Variants in FAM98B observed in about 807,000 individuals in gnomAD.
The protein encoded by FAM98B is tRNA splicing ligase complex subunit 3B, also known as tRNA-splicing ligase complex subunit FAM98B.
A neutral mutation model predicts 43.9 loss-of-function variants in FAM98B; 32 were observed. The observed-to-expected ratio is 0.73, with a 90% confidence interval of 0.55 to 0.98. The LOEUF (loss-of-function observed/expected upper bound fraction) is 0.98. Among genes scored for constraint, FAM98B ranks in the 50% least tolerant of loss-of-function variants. FAM98B has a pLI of 0.00. For synonymous variants in FAM98B, 190 were observed against 174.0 expected, an observed-to-expected ratio of 1.09 and a Z score of -0.72; for missense variants, 514 against 522.9, an observed-to-expected ratio of 0.98 and a Z score of 0.17.
At chr15:38,459,212 C>A in intron 1 of FAM98B, 1 of 443,510 alleles carries the variant, frequency 2.3e-6, no homozygotes, top group South Asian at 1.8e-5. Flanking sequence ...TAAAGATGCA[C>A]AAGGGCTTCA....
chr15:38,469,672 C>G (rs1210013239), intron 3 of FAM98B, among the ~76,000 whole-genome samples: 2 of 152,128 alleles, frequency 1.3e-5, no homozygotes, highest in Non-Finnish European at 2.9e-5. Flanking sequence ...TAAAATTGAA[C>G]TGAAACCAGC....
chr15:38,477,857 G>C (rs62002949), intron 6 of FAM98B, among the ~76,000 whole-genome samples: 1 of 152,180 alleles, frequency 6.6e-6, no homozygotes, highest in African/African-American at 2.4e-5. Context: ...GTTAAGAGCT[G>C]TAAGTTACCA....
intron 1 of FAM98B, among the ~76,000 whole-genome samples, chr15:38,460,853 A>G (rs1162697317): frequency 1.3e-5 from 2 of 152,224 alleles, no homozygotes; most frequent in African/African-American, 4.8e-5. Flanking sequence ...AAATGAAGCT[A>G]ATAATAGTAT....
rs772084196 is a variant in FAM98B, at chr15:38,454,219, C to A, written c.58C>A (p.Leu20Met). Reference protein sequence around the residue: ...PTMEGDVLDTLEALGYKGPLL... With the variant: ...PTMEGDVLDTMEALGYKGPLL... ...GATGGAGGGAGACGTGCTGGACACA[C>A]TGGAGGCGCTGGGGTGAGTGCTTTT... The change falls in exon 1 of 8, where the codon CTG becomes ATG. Residue 20 changes from leucine to methionine, a missense_variant. Coordinates refer to ENST00000397609, the MANE Select transcript of FAM98B (RefSeq NM_173611.4). The A allele has an allele frequency of 6.2e-7, 1 of 1,602,938 alleles. No homozygotes were observed. The highest frequency in any genetic ancestry group is 8.5e-7 in the Non-Finnish European group (1 of 1,176,050).
intron 1 of FAM98B, chr15:38,459,402 G>A (rs944685904): frequency 1.5e-5 from 6 of 387,200 alleles, no homozygotes; most frequent in Non-Finnish European, 3.1e-5. Context: ...GGCCATGCTG[G>A]ATGCGAAAAT....
chr15:38,469,358 T>C (rs1397905275), intron 3 of FAM98B, among the ~76,000 whole-genome samples: 1 of 152,252 alleles, frequency 6.6e-6, no homozygotes, highest in African/African-American at 2.4e-5. Flanking sequence ...TGGGGTGATT[T>C]ATCCTGACTC....
chr15:38,465,258 C>G lies in FAM98B; in HGVS notation c.218-11C>G. On this transcript the variant is annotated splice_polypyrimidine_tract_variant and intron_variant, in intron 2 of 7. Transcript: ENST00000397609. ...GCTCAGTAAATGTTTTATGATTTTT[C>G]TTTTTTAAAGGAAGAGATGATCTAG... 1 of 1,594,622 alleles carries G rather than the reference C, an allele frequency of 6.3e-7. No individual in the cohort carries two copies. Among genetic ancestry groups the G allele is most frequent in the Non-Finnish European group, 8.5e-7 (1 of 1,175,050 alleles).
chr15:38,455,154 G>A (rs1472616102), intron 1 of FAM98B, among the ~76,000 whole-genome samples: 1 of 152,172 alleles, frequency 6.6e-6, no homozygotes, highest in Non-Finnish European at 1.5e-5. Context: ...TGTTTTCCCA[G>A]CAACACACTA....
In FAM98B at chr15:38,471,507, T is replaced by C. The variant is rs142530161; in HGVS notation, c.531+1102T>C. Among the ~76,000 whole-genome samples, 620 of 152,246 alleles carry C rather than the reference T, an allele frequency of 4.1e-3. 15 individuals are homozygous for C. The highest frequency in any genetic ancestry group is 0.036 in the East Asian group (187 of 5,182). On this transcript the variant is annotated intron_variant, in intron 4 of 7. Transcript: ENST00000397609. The stretch of plus-strand genomic sequence containing the variant: ...AATTCAAAGAGGCTATTCCATTTTA[T>C]GGTTTTTATTTAGTATTAACATTCT...
chr15:38,477,691 C>T (rs961913939), intron 6 of FAM98B, among the ~76,000 whole-genome samples: 7 of 152,066 alleles, frequency 4.6e-5, no homozygotes, highest in Non-Finnish European at 7.4e-5. Context: ...CTCAGTACTC[C>T]GTATGATTAG....
At chr15:38,475,855 ATGAT>A (rs1284716893) in intron 6 of FAM98B, among the ~76,000 whole-genome samples, 1 of 149,000 alleles carries the variant, frequency 6.7e-6, no homozygotes, top group Admixed American at 6.7e-5. Context: ...TTTCTGCAAT[ATGAT>A]AAAATGCTTT....
chr15:38,455,466 A>G (rs1043533850), intron 1 of FAM98B, among the ~76,000 whole-genome samples: 5 of 152,226 alleles, frequency 3.3e-5, no homozygotes, highest in Admixed American at 2.6e-4. Flanking sequence ...TTGAACCCTG[A>G]TAATACCTAC....
At chr15:38,481,017 AT>A (rs1307552361) in intron 6 of FAM98B, among the ~76,000 whole-genome samples, 2 of 152,012 alleles carry the variant, frequency 1.3e-5, no homozygotes. Flanking sequence ...TGGTAAAACT[AT>A]TTTTTAGGTA....
intron 1 of FAM98B, chr15:38,459,332 G>A (rs745525629): frequency 1.2e-4 from 56 of 486,498 alleles, no homozygotes; most frequent in Non-Finnish European, 1.7e-4. Context: ...GAGCAGATCC[G>A]ACTTAGCAGT....
Position 38,474,615 on chromosome 15 carries a change from A to G in FAM98B, c.729+317A>G, listed in dbSNP as rs751973444. On this transcript the variant is annotated intron_variant, in intron 6 of 7. Transcript: ENST00000397609. ...GTGAGCAGTGTAAGAAGAAAGCAGG[A>G]TATAAGAATAGTTGCAGGTAGTACT... 3.9e-5 allele frequency among the ~76,000 whole-genome samples: 6 copies of G among 152,248 alleles called. No homozygotes were observed. The South Asian group carries it at 1.2e-3, about 31-fold the overall frequency.
intron 6 of FAM98B, among the ~76,000 whole-genome samples, chr15:38,478,369 G>A (rs1339997447): frequency 6.6e-6 from 1 of 152,052 alleles, no homozygotes; most frequent in Non-Finnish European, 1.5e-5. Context: ...GCATGGATCA[G>A]TTTTGGCCTT....
intron 1 of FAM98B, among the ~76,000 whole-genome samples, chr15:38,455,745 G>GGCA (rs1889838831): frequency 6.6e-6 from 1 of 152,138 alleles, no homozygotes; most frequent in African/African-American, 2.4e-5. Flanking sequence ...AAAAGGAAAA[G>GGCA]GCAGTGCTTT....
At position 38,454,179 on chromosome 15, in the gene FAM98B, G is replaced by A. The variant is rs760566986; in HGVS notation, c.18G>A (p.Pro6=). MRGPE[P]GPQPTMEGDV... ...AAAGGACCATGAGAGGGCCGGAGCC[G>A]GGTCCCCAACCGACGATGGAGGGAG... The change falls in exon 1 of 8, where the codon CCG becomes CCA. Residue 6 remains proline, a synonymous_variant. Coordinates refer to ENST00000397609, the MANE Select transcript of FAM98B (RefSeq NM_173611.4). 2 of 1,601,446 alleles carry A rather than the reference G, an allele frequency of 1.2e-6. No individual in the cohort carries two copies. Among genetic ancestry groups the A allele is most frequent in the South Asian group, 1.1e-5 (1 of 87,858 alleles).
intron 3 of FAM98B, among the ~76,000 whole-genome samples, chr15:38,467,827 A>G (rs762933940): frequency 2.6e-5 from 4 of 152,272 alleles, no homozygotes; most frequent in Non-Finnish European, 5.9e-5. Flanking sequence ...GGAAGAATGC[A>G]GATAAATCAA....
Sources: gnomAD v4.1 joint callset for allele counts (sites outside exome capture counted in the v4.1 genomes callset) on GRCh38, gnomAD v4.1.1 for gene constraint, MANE v1.5 for transcripts, NCBI Gene and HGNC (gene_info 2026-07-23, HGNC 2026-07-21) for gene names.